Variants in FRZB observed in about 807,000 individuals in gnomAD.
The protein encoded by FRZB is secreted frizzled-related protein 3.
In FRZB, 34 loss-of-function variants were observed where a neutral mutation model predicts 32.5. That is an observed-to-expected ratio of 1.05 (90% confidence interval 0.80 to 1.39). The LOEUF (loss-of-function observed/expected upper bound fraction) is 1.39, where lower values mean the gene tolerates loss of function less well. Among genes scored for constraint, FRZB ranks in the 40% most tolerant of loss-of-function variants. The pLI is 0.00. For synonymous variants in FRZB, 170 were observed against 159.2 expected, an observed-to-expected ratio of 1.07 and a Z score of -0.51; for missense variants, 423 against 424.8, an observed-to-expected ratio of 1.00 and a Z score of 0.04.
chr2:182,862,410 T>C (rs745310947), intron 1 of FRZB, among the ~76,000 whole-genome samples: 4 of 152,256 alleles, frequency 2.6e-5, no homozygotes, highest in Non-Finnish European at 4.4e-5. Context: ...TGTAATTAAC[T>C]CCTCCACCAG....
At chr2:182,858,953 A>G (rs1695800691) in intron 1 of FRZB, 120 bp from the exon 2 acceptor site, 1 of 807,524 alleles carries the variant, frequency 1.2e-6, no homozygotes, top group African/African-American at 1.7e-5. Flanking sequence ...TGAAGGAAGT[A>G]GATTTTTATT....
intron 3 of FRZB, 123 bp downstream of exon 3, chr2:182,842,355 C>T (rs1342422311): frequency 4.2e-6 from 3 of 711,782 alleles, no homozygotes; most frequent in East Asian, 2.6e-5. Context: ...AAAAATAGTC[C>T]TTCTGTTTTT....
chr2:182,841,703 A>G (rs1695587707), intron 3 of FRZB, among the ~76,000 whole-genome samples: 1 of 152,158 alleles, frequency 6.6e-6, no homozygotes, highest in South Asian at 2.1e-4. Flanking sequence ...ACTCTAAAAT[A>G]TACACCAGCA....
rs116064576 is a variant in FRZB at position 182,835,079 on chromosome 2, C to G, written c.862-114G>C. 1,575 of 752,598 alleles carry G rather than the reference C, an allele frequency of 2.1e-3. 19 individuals are homozygous for G. The African/African-American group carries it at 0.025, about 12-fold the overall frequency. The allele number at this position is 752,598 out of a possible 1,614,324, so 46.6% of individuals were successfully genotyped here. A position where few individuals can be genotyped will look rare whatever the true frequency, so the allele number is the denominator to read the frequency against. ...TTCAGATCTCTGAAGCATTTTGCTA[C>G]TTTTCCAAAAGTATCAATCTATTTC... On this transcript the variant is annotated intron_variant, in intron 5 of 5. Transcript: ENST00000295113.
At position 182,866,629 on chromosome 2, in the gene FRZB, G is replaced by T; in HGVS notation, c.-77C>A. 9.7e-7 allele frequency: 1 copy of T among 1,036,248 alleles called. No homozygotes were observed. Among genetic ancestry groups the T allele is most frequent in the Non-Finnish European group, 1.3e-6 (1 of 746,064 alleles). 64.2% of individuals were successfully genotyped at this position (1,036,248 alleles called of 1,614,324 possible). A position where few individuals can be genotyped will look rare whatever the true frequency, so the allele number is the denominator to read the frequency against. On this transcript the variant is annotated 5_prime_UTR_variant, in exon 1 of 6. Coordinates refer to ENST00000295113, the MANE Select transcript of FRZB (RefSeq NM_001463.4). The surrounding 1 kb of genome is among the most constrained non-coding windows in gnomAD (Gnocchi z 4.5). ...CCGCTCCGCCGTCTCCGCCTCCCCC[G>T]CTGCAAGTGGACACAAGGATCTGGG...
chr2:182,859,059 C>T (rs1432560623), intron 1 of FRZB, among the ~76,000 whole-genome samples: 1 of 151,914 alleles, frequency 6.6e-6, no homozygotes, highest in Non-Finnish European at 1.5e-5. Context: ...TCTGAATACT[C>T]AACTGTGCAT....
chr2:182,856,360 G>A (rs561872167), intron 2 of FRZB, among the ~76,000 whole-genome samples: 33 of 149,784 alleles, frequency 2.2e-4, no homozygotes, highest in Admixed American at 1.6e-3. Context: ...TCTCACATAC[G>A]TGTGTGTGTG....
intron 2 of FRZB, among the ~76,000 whole-genome samples, chr2:182,853,665 A>T (rs1695734266): frequency 6.6e-6 from 1 of 152,224 alleles, no homozygotes; most frequent in African/African-American, 2.4e-5. Flanking sequence ...CCATGATAAG[A>T]TTCAGTGGAA....
chr2:182,842,374 T>C, intron 3 of FRZB, 104 bp downstream of exon 3: 1 of 821,494 alleles, frequency 1.2e-6, no homozygotes, highest in Non-Finnish European at 2.1e-6. Context: ...TTAAGCCTTA[T>C]TCTTAAATGG....
chr2:182,849,569 T>C (rs1186326598), intron 2 of FRZB, among the ~76,000 whole-genome samples: 2 of 152,122 alleles, frequency 1.3e-5, no homozygotes, highest in Non-Finnish European at 2.9e-5. Flanking sequence ...ATATGGAAAA[T>C]GTGATGAAGT....
rs376966238 is a variant in FRZB, at chr2:182,842,466, A to G, written c.592+12T>C. The G allele has an allele frequency of 6.2e-7, 1 of 1,600,754 alleles. No homozygotes were observed. Among genetic ancestry groups the G allele is most frequent in the African/African-American group, 1.3e-5 (1 of 74,592 alleles). ...ACAGCAGTTTATACATCAACCATGA[A>G]ATTTTCCTTACCATAGTTGTAATTG... On this transcript the variant is annotated intron_variant, in intron 3 of 5. Coordinates refer to ENST00000295113, the MANE Select transcript of FRZB (RefSeq NM_001463.4).
chr2:182,838,339 C>T, intron 4 of FRZB, 70 bp downstream of exon 4: 1 of 1,303,172 alleles, frequency 7.7e-7, no homozygotes, highest in South Asian at 1.3e-5. Flanking sequence ...AGGGTAGCAT[C>T]TCTAGAGACA....
chr2:182,837,702 C>T (rs1222232143), intron 5 of FRZB, among the ~76,000 whole-genome samples: 1 of 151,968 alleles, frequency 6.6e-6, no homozygotes, highest in East Asian at 1.9e-4. Flanking sequence ...TACAGCTAGA[C>T]TCCTTGTGAA....
At chr2:182,844,183 A>T (rs1211263767) in intron 2 of FRZB, among the ~76,000 whole-genome samples, 1 of 152,154 alleles carries the variant, frequency 6.6e-6, no homozygotes, top group African/African-American at 2.4e-5. Flanking sequence ...TCAATACCAC[A>T]CACAGCTCCT....
chr2:182,861,007 C>T (rs1253023584), intron 1 of FRZB, among the ~76,000 whole-genome samples: 1 of 152,060 alleles, frequency 6.6e-6, no homozygotes, highest in Non-Finnish European at 1.5e-5. Flanking sequence ...CATGCTGAGA[C>T]CGAGAGACTA....
chr2:182,834,866 G>A lies in FRZB; in HGVS notation c.961C>T (p.Arg321Trp), dbSNP rs759729429. The A allele has an allele frequency of 1.7e-5, 27 of 1,612,454 alleles. No homozygotes were observed. Among genetic ancestry groups the A allele is most frequent in the Admixed American group, 8.3e-5 (5 of 59,906 alleles). Residue 321 changes from arginine (R) to tryptophan (W), a missense_variant, in exon 6 of 6, where the codon CGG (arginine) becomes TGG (tryptophan). By Grantham distance (101) the Arg-to-Trp change is moderately radical. Coordinates refer to ENST00000295113, the MANE Select transcript of FRZB (RefSeq NM_001463.4). ...TTCGGGATTTAGTTGCGTGCTTGCC[G>A]GGGGTTCGAGTTCCTGCCAGACTTC... ...SQKSGRNSNP[R>W]QARN
intron 2 of FRZB, among the ~76,000 whole-genome samples, chr2:182,844,077 G>C (rs770447730): frequency 6.6e-6 from 1 of 152,142 alleles, no homozygotes; most frequent in African/African-American, 2.4e-5. Flanking sequence ...GTCCCGAAAA[G>C]AGTATCACCC....
Position 182,842,522 on chromosome 2 carries a change from A to C in FRZB, c.548T>G (p.Ile183Ser), listed in dbSNP as rs1266612802. 6.2e-7 allele frequency: 1 copy of C among 1,612,496 alleles called. No individual in the cohort carries two copies. Among genetic ancestry groups the C allele is most frequent in the Non-Finnish European group, 8.5e-7 (1 of 1,178,786 alleles). ...ASSERCKCKPIRATQKTYFRN... is the reference protein window; with the variant it reads ...ASSERCKCKPSRATQKTYFRN... ...GAAATAGGTCTTCTGTGTAGCTCTA[A>C]TAGGCTTACATTTACAGCGTTCTGA... is the stretch of plus-strand genomic sequence containing the variant. The change falls in exon 3 of 6, where the codon ATT becomes AGT. Residue 183 changes from isoleucine (I) to serine (S), a missense_variant. Physicochemically the swap from Ile to Ser is moderately radical, Grantham distance 142. Transcript: ENST00000295113.
chr2:182,837,889 G>T, intron 5 of FRZB, 59 bp downstream of exon 5: 2 of 1,325,492 alleles, frequency 1.5e-6, no homozygotes, highest in Non-Finnish European at 1.1e-6. Context: ...ACAGATGGCT[G>T]GTTTTCTACT....
Sources: allele counts gnomAD v4.1 joint callset (sites outside exome capture counted in the v4.1 genomes callset), GRCh38; gene constraint gnomAD v4.1.1; non-coding constraint Gnocchi (gnomAD v3.1); transcripts MANE v1.5; gene names NCBI Gene and HGNC (gene_info 2026-07-23, HGNC 2026-07-21).